MGAT5: variants seen among roughly 807,000 people sequenced by gnomAD.
MGAT5 encodes alpha-1,6-mannosylglycoprotein 6-beta-N-acetylglucosaminyltransferase A.
MGAT5 carries 30 observed loss-of-function variants against 94.3 expected under a neutral mutation model. The observed-to-expected ratio is 0.32, with a 90% CI of 0.24 to 0.43. MGAT5 has a LOEUF of 0.43. Among genes scored for constraint, MGAT5 ranks in the 20% least tolerant of loss-of-function variants. The pLI, the probability that MGAT5 is intolerant of heterozygous loss-of-function variation, is 1.00. For synonymous variants in MGAT5, 310 were observed against 322.9 expected, an observed-to-expected ratio of 0.96 and a Z score of 0.43; for missense variants, 691 against 905.5, an observed-to-expected ratio of 0.76 and a Z score of 3.04.
chr2:134,384,491 A>T (rs1217988953), intron 10 of MGAT5, among the ~76,000 whole-genome samples: 4 of 152,238 alleles, frequency 2.6e-5, no homozygotes, highest in Non-Finnish European at 5.9e-5. Context: ...TCTTACTAGA[A>T]CTGTGAACCA....
At chr2:134,282,452 A>G (rs1332581647) in intron 2 of MGAT5, among the ~76,000 whole-genome samples, 1 of 152,268 alleles carries the variant, frequency 6.6e-6, no homozygotes, top group African/African-American at 2.4e-5. Flanking sequence ...CTTAAAAAAC[A>G]GTGCTTCTGT....
intron 6 of MGAT5, among the ~76,000 whole-genome samples, chr2:134,340,045 G>T (rs1052936709): frequency 6.6e-6 from 1 of 152,158 alleles, no homozygotes; most frequent in Admixed American, 6.6e-5. Context: ...TGGAAGAGAA[G>T]AATTAATGGA....
chr2:134,264,976 G>A (rs1017597359), intron 1 of MGAT5, among the ~76,000 whole-genome samples: 3 of 152,182 alleles, frequency 2.0e-5, no homozygotes, highest in Non-Finnish European at 4.4e-5. Flanking sequence ...TATCATGGCG[G>A]CCGTACCTTC....
intron 2 of MGAT5, among the ~76,000 whole-genome samples, chr2:134,292,666 G>A (rs904201623): frequency 1.3e-5 from 2 of 152,144 alleles, no homozygotes; most frequent in African/African-American, 4.8e-5. Flanking sequence ...TAGGTGTGGT[G>A]GTGTTTTGTT....
intron 2 of MGAT5, among the ~76,000 whole-genome samples, chr2:134,314,061 A>G (rs1686856649): frequency 6.6e-6 from 1 of 152,196 alleles, no homozygotes; most frequent in African/African-American, 2.4e-5. Context: ...CATCCTCTGA[A>G]AAGGAGCTGA....
intron 4 of MGAT5, among the ~76,000 whole-genome samples, chr2:134,334,126 G>A (rs1327804403): frequency 6.6e-6 from 1 of 152,076 alleles, no homozygotes; most frequent in East Asian, 1.9e-4. Context: ...TTTCAGGAGT[G>A]CCCTTGGAGC....
chr2:134,429,924 C>A (rs1167544652), intron 14 of MGAT5, among the ~76,000 whole-genome samples: 1 of 152,172 alleles, frequency 6.6e-6, no homozygotes. Context: ...CCAAGACTCA[C>A]AGTTATCAGG....
rs542377312 is a variant in MGAT5, at chr2:134,120,606, C to T, written c.-143+315C>T. ...CGTGACGAGGGGGCTTGTTGGCATTCCTAGGGACAGTCCAAAGGAAGCTCT... is the reference window on the plus strand; with the variant it reads ...CGTGACGAGGGGGCTTGTTGGCATTTCTAGGGACAGTCCAAAGGAAGCTCT... On this transcript the variant is annotated intron_variant, in intron 1 of 16. Coordinates refer to the MGAT5 transcript ENST00000409645. Among the ~76,000 whole-genome samples the T allele has an allele frequency of 5.9e-5, 9 of 151,994 alleles. No homozygotes were observed. In the South Asian group the frequency reaches 1.7e-3, roughly 28 times the overall value.
intron 14 of MGAT5, among the ~76,000 whole-genome samples, chr2:134,433,416 G>A (rs897936199): frequency 1.3e-5 from 2 of 152,226 alleles, no homozygotes; most frequent in Admixed American, 6.5e-5. Flanking sequence ...AGAAGTGTGT[G>A]AATAAGGTAG....
At chr2:134,446,695 G>A (rs1158947360) in intron 15 of MGAT5, among the ~76,000 whole-genome samples, 1 of 152,204 alleles carries the variant, frequency 6.6e-6, no homozygotes, top group African/African-American at 2.4e-5. Flanking sequence ...TCAAGAGCAG[G>A]GGTGGTGGGG....
intron 4 of MGAT5, among the ~76,000 whole-genome samples, chr2:134,333,437 G>T (rs1329536574): frequency 2.7e-4 from 31 of 113,244 alleles, no homozygotes; most frequent in Non-Finnish European, 5.2e-4. Flanking sequence ...ACTGTTGTGG[G>T]GTGGGGGGAG....
intron 1 of MGAT5, among the ~76,000 whole-genome samples, chr2:134,222,006 A>G (rs1177755897): frequency 6.6e-6 from 1 of 152,182 alleles, no homozygotes; most frequent in Non-Finnish European, 1.5e-5. Context: ...CCACGGTGCT[A>G]GAAAGGCTTG....
At chr2:134,188,490 G>A (rs1368318047) in intron 1 of MGAT5, among the ~76,000 whole-genome samples, 8 of 152,252 alleles carry the variant, frequency 5.3e-5, no homozygotes, top group Admixed American at 2.6e-4. Context: ...GTTAATACAT[G>A]TGGAAGGTCT....
At chr2:134,121,167 T>C (rs1348576652) in intron 1 of MGAT5, among the ~76,000 whole-genome samples, 1 of 152,150 alleles carries the variant, frequency 6.6e-6, no homozygotes, top group African/African-American at 2.4e-5. Context: ...CTCGCCTCAG[T>C]TGAGCTACGC....
intron 14 of MGAT5, among the ~76,000 whole-genome samples, chr2:134,436,789 A>G (rs1685184065): frequency 6.6e-6 from 1 of 152,186 alleles, no homozygotes; most frequent in African/African-American, 2.4e-5. Context: ...CATTCTGCTC[A>G]GCTCCATGTC....
At chr2:134,136,536 C>T (rs1226401136) in intron 1 of MGAT5, among the ~76,000 whole-genome samples, 3 of 152,102 alleles carry the variant, frequency 2.0e-5, no homozygotes, top group Admixed American at 1.3e-4. Context: ...CACTGCACTC[C>T]AGCCTGGGCA....
chr2:134,452,989 T>C lies in MGAT5; in HGVS notation c.*4142T>C, dbSNP rs1686182617. ...GCAAAAGACCAAATTAGCTGTAGAG[T>C]CTTGAATGCAGAAAAAAATTACCCT... On this transcript the variant is annotated 3_prime_UTR_variant, in exon 16 of 16. Transcript: ENST00000281923. 1 of 152,140 alleles carries C rather than the reference T, an allele frequency of 6.6e-6. No individual in the cohort carries two copies. The highest frequency in any genetic ancestry group is 6.5e-5 in the Admixed American group (1 of 15,274). 9.4% of individuals were successfully genotyped at this position (152,140 alleles called of 1,614,324 possible). A position where few individuals can be genotyped will look rare whatever the true frequency, so the allele number is the denominator to read the frequency against.
intron 10 of MGAT5, among the ~76,000 whole-genome samples, chr2:134,371,758 A>G (rs191408293): frequency 6.6e-6 from 1 of 152,238 alleles, no homozygotes; most frequent in Non-Finnish European, 1.5e-5. Context: ...AGAGCTTCTC[A>G]TAGCTTACAG....
At chr2:134,125,746 G>C (rs1425778825) in intron 1 of MGAT5, among the ~76,000 whole-genome samples, 4 of 152,198 alleles carry the variant, frequency 2.6e-5, no homozygotes, top group African/African-American at 9.6e-5. Flanking sequence ...AATGTGGTAG[G>C]GAGCAGGTTG....
Sources: allele counts gnomAD v4.1 joint callset (sites outside exome capture counted in the v4.1 genomes callset), GRCh38; gene constraint gnomAD v4.1.1; transcripts MANE v1.5; gene names NCBI Gene and HGNC (gene_info 2026-07-23, HGNC 2026-07-21).